RCHY1: variants seen among roughly 807,000 people sequenced by gnomAD.
RCHY1 encodes ring finger and CHY zinc finger domain containing 1, also known as RING finger and CHY zinc finger domain-containing protein 1.
A neutral mutation model predicts 41.6 loss-of-function variants in RCHY1; 21 were observed. That is an observed-to-expected ratio of 0.51 (90% confidence interval 0.36 to 0.73). The LOEUF (loss-of-function observed/expected upper bound fraction) is 0.73. RCHY1 is among the 30% of genes least tolerant of loss of function. The pLI is 0.00. For synonymous variants in RCHY1, 79 were observed against 102.9 expected, an observed-to-expected ratio of 0.77 and a Z score of 1.41; for missense variants, 265 against 325.3, an observed-to-expected ratio of 0.81 and a Z score of 1.43.
intron 3 of RCHY1, 99 bp from the exon 4 acceptor site, chr4:75,494,278 T>A: frequency 1.2e-6 from 1 of 813,328 alleles, no homozygotes; most frequent in South Asian, 1.6e-5. Context: ...GTAAAAAAAA[T>A]TTCCAGCCAC....
intron 3 of RCHY1, among the ~76,000 whole-genome samples, chr4:75,501,703 C>T (rs1012544934): frequency 3.4e-4 from 52 of 152,190 alleles, no homozygotes; most frequent in African/African-American, 1.2e-3. Context: ...TTCCACTGAA[C>T]ATGAAAAGGA....
chr4:75,490,710 G>T lies in RCHY1; in HGVS notation c.537-9C>A. 1 of 1,591,528 alleles carries T rather than the reference G, an allele frequency of 6.3e-7. No individual in the cohort carries two copies. Among genetic ancestry groups the T allele is most frequent in the South Asian group, 1.1e-5 (1 of 87,922 alleles). ...ATGGACATCTGTAGCCTCTGAAAGAGATAGAAAGGTTATTTTCCAAATATT... is the reference window on the plus strand; with the variant it reads ...ATGGACATCTGTAGCCTCTGAAAGATATAGAAAGGTTATTTTCCAAATATT... On this transcript the variant is annotated splice_polypyrimidine_tract_variant and intron_variant, in intron 7 of 8. Coordinates refer to ENST00000324439, the MANE Select transcript of RCHY1 (RefSeq NM_015436.4).
chr4:75,482,731 C>T, intron 8 of RCHY1, 65 bp from the exon 9 acceptor site: 1 of 1,112,828 alleles, frequency 9.0e-7, no homozygotes, highest in Non-Finnish European at 1.2e-6. Context: ...ATTGTCTACT[C>T]ATAATCCCTT....
intron 3 of RCHY1, among the ~76,000 whole-genome samples, chr4:75,504,396 TGAA>T (rs1296581453): frequency 1.1e-4 from 17 of 152,166 alleles, no homozygotes; most frequent in African/African-American, 3.4e-4. Flanking sequence ...CTACTCAACA[TGAA>T]GAAGGATGAA....
intron 8 of RCHY1, among the ~76,000 whole-genome samples, chr4:75,483,331 A>T (rs1721685656): frequency 6.6e-6 from 1 of 152,224 alleles, no homozygotes; most frequent in African/African-American, 2.4e-5. Flanking sequence ...TAGTCACACT[A>T]TAATAAGCAG....
intron 7 of RCHY1, chr4:75,491,315 C>T: frequency 3.7e-6 from 1 of 272,818 alleles, no homozygotes; most frequent in South Asian, 9.1e-5. Context: ...TTTTACAACA[C>T]TATAACTGCA....
At chr4:75,489,072 T>C (rs1371008001) in intron 8 of RCHY1, among the ~76,000 whole-genome samples, 2 of 151,484 alleles carry the variant, frequency 1.3e-5, no homozygotes, top group Non-Finnish European at 2.9e-5. Context: ...CAAGACTCTG[T>C]CTAAAACAAA....
upstream of RCHY1, chr4:75,514,447 C>T: frequency 2.6e-6 from 2 of 781,028 alleles, no homozygotes; most frequent in Non-Finnish European, 3.9e-6. Context: ...TTCCGGTTCC[C>T]GGGGCTACGA....
rs1725249865 is a variant in RCHY1, at chr4:75,513,990, G to A, written c.90+207C>T. On this transcript the variant is annotated intron_variant, in intron 1 of 8. Transcript: ENST00000324439. ...CTAATCACTTCCCAAGAAGGGTTTT[G>A]CTTTAAAGGTACGAAGCAGGTAGGA... The A allele has an allele frequency of 9.2e-6, 6 of 654,326 alleles. No homozygotes were observed. The South Asian group carries it at 1.3e-4, about 14-fold the overall frequency. 40.5% of individuals were successfully genotyped at this position (654,326 alleles called of 1,614,324 possible).
intron 3 of RCHY1, among the ~76,000 whole-genome samples, chr4:75,501,459 G>A (rs1166657268): frequency 2.6e-5 from 4 of 152,028 alleles, no homozygotes; most frequent in East Asian, 3.9e-4. Flanking sequence ...AAAAATCCTC[G>A]AGGGTAGTTT....
chr4:75,496,524 A>C (rs1214267982), intron 3 of RCHY1, among the ~76,000 whole-genome samples: 1 of 152,130 alleles, frequency 6.6e-6, no homozygotes, highest in Non-Finnish European at 1.5e-5. Flanking sequence ...CCTTCTAAAG[A>C]ATGAGAACAG....
rs1159664071 is a variant in RCHY1, at chr4:75,480,045, G to A, written c.*2493C>T. Reference sequence around the variant, plus strand: ...TTAAGTTTTGCATACTGAATGGTAAGGGATGTAGATTTTATTCTTATTGTG... The same window carrying A: ...TTAAGTTTTGCATACTGAATGGTAAAGGATGTAGATTTTATTCTTATTGTG... On this transcript the variant is annotated 3_prime_UTR_variant, in exon 9 of 9. Coordinates refer to ENST00000324439, the MANE Select transcript of RCHY1 (RefSeq NM_015436.4). 6.6e-6 allele frequency: 1 copy of A among 152,154 alleles called. No homozygotes were observed. Among genetic ancestry groups the A allele is most frequent in the Non-Finnish European group, 1.5e-5 (1 of 68,012 alleles). 9.4% of individuals were successfully genotyped at this position (152,154 alleles called of 1,614,324 possible). A position where few individuals can be genotyped will look rare whatever the true frequency, so the allele number is the denominator to read the frequency against.
chr4:75,504,266 T>C (rs1024469330), intron 3 of RCHY1, among the ~76,000 whole-genome samples: 3 of 78,296 alleles, frequency 3.8e-5, no homozygotes, highest in Non-Finnish European at 6.9e-5. Context: ...GTAAATACAG[T>C]TGACCCCTTG....
At position 75,482,508 on chromosome 4, in the gene RCHY1, T is replaced by C. The variant is rs1721600075; in HGVS notation, c.*30A>G. 8.4e-6 allele frequency: 13 copies of C among 1,551,182 alleles called. No individual in the cohort carries two copies. Among genetic ancestry groups the C allele is most frequent in the Non-Finnish European group, 1.0e-5 (12 of 1,149,300 alleles). ...GAAAGCCTTTTTCTATATCAGAAAA[T>C]GCCAAGTTCTCCAGTACTGTGTAGG... On this transcript the variant is annotated 3_prime_UTR_variant, in exon 9 of 9. Coordinates refer to ENST00000324439, the MANE Select transcript of RCHY1 (RefSeq NM_015436.4).
intron 3 of RCHY1, among the ~76,000 whole-genome samples, chr4:75,501,639 A>C (rs1723769735): frequency 2.0e-5 from 3 of 152,292 alleles, no homozygotes; most frequent in South Asian, 4.1e-4. Flanking sequence ...ACATAAAACA[A>C]CTTTTCTATT....
At chr4:75,504,505 T>C (rs1490688617) in intron 3 of RCHY1, among the ~76,000 whole-genome samples, 3 of 152,230 alleles carry the variant, frequency 2.0e-5, no homozygotes, top group Non-Finnish European at 4.4e-5. Flanking sequence ...CCTAAGAATA[T>C]AGTATATAAT....
At chr4:75,511,480 A>C (rs1289178718) in intron 1 of RCHY1, among the ~76,000 whole-genome samples, 1 of 152,204 alleles carries the variant, frequency 6.6e-6, no homozygotes, top group Non-Finnish European at 1.5e-5. Flanking sequence ...TTCAAGTAAA[A>C]AATGCTGTTC....
chr4:75,490,524 C>G, intron 8 of RCHY1, 57 bp downstream of exon 8: 1 of 1,474,952 alleles, frequency 6.8e-7, no homozygotes, highest in South Asian at 1.4e-5. Flanking sequence ...AGCAGGAGGG[C>G]AAAAATAAGA....
Position 75,482,590 on chromosome 4 carries a change from G to A in RCHY1, c.734C>T (p.Ser245Phe). The change falls in exon 9 of 9, where the codon TCC (serine) becomes TTC (phenylalanine). Residue 245 changes from serine (S) to phenylalanine (F), a missense_variant. Transcript: ENST00000324439. Reference protein sequence around the residue: ...ILGMKCKICESYNTAQAGGRR... With the variant: ...ILGMKCKICEFYNTAQAGGRR... The stretch of plus-strand genomic sequence containing the variant: ...TCCTCCAGCTTGAGCAGTATTATAG[G>A]ATTCACAAATCTTACATTTCATGCC... The A allele has an allele frequency of 6.2e-7, 1 of 1,612,776 alleles. No individual in the cohort carries two copies. The highest frequency in any genetic ancestry group is 8.5e-7 in the Non-Finnish European group (1 of 1,179,132).
Sources: allele counts gnomAD v4.1 joint callset (sites outside exome capture counted in the v4.1 genomes callset), GRCh38; gene constraint gnomAD v4.1.1; transcripts MANE v1.5; gene names NCBI Gene and HGNC (gene_info 2026-07-23, HGNC 2026-07-21).